Variants in DENND5B observed in about 807,000 individuals in gnomAD.
DENND5B encodes the protein DENN domain-containing protein 5B.
Under a neutral mutation model 140.6 loss-of-function variants are expected in DENND5B, and 34 were observed. The observed-to-expected ratio is 0.24, with a 90% CI of 0.18 to 0.32. The LOEUF (loss-of-function observed/expected upper bound fraction) is 0.32, where lower values mean the gene tolerates loss of function less well. Among genes scored for constraint, DENND5B ranks in the 10% least tolerant of loss-of-function variants. The pLI is 1.00. For synonymous variants in DENND5B, 551 were observed against 562.1 expected, an observed-to-expected ratio of 0.98 and a Z score of 0.28; for missense variants, 1,142 against 1,560.2, an observed-to-expected ratio of 0.73 and a Z score of 4.52.
chr12:31,561,898 T>TC (rs1256612338), intron 1 of DENND5B, among the ~76,000 whole-genome samples: 1 of 151,654 alleles, frequency 6.6e-6, no homozygotes, highest in Non-Finnish European at 1.5e-5. Context: ...ACTTTCTCCG[T>TC]AAGTTTAAGC....
intron 17 of DENND5B, among the ~76,000 whole-genome samples, chr12:31,394,593 TC>T (rs1340374124): frequency 1.3e-5 from 2 of 148,572 alleles, no homozygotes; most frequent in Admixed American, 1.4e-4. Flanking sequence ...ATTTCCATCA[TC>T]CCCAAAAGTT....
At chr12:31,566,459 T>G (rs1949634918) in intron 1 of DENND5B, among the ~76,000 whole-genome samples, 1 of 151,810 alleles carries the variant, frequency 6.6e-6, no homozygotes, top group Non-Finnish European at 1.5e-5. Context: ...TAAAATTAGG[T>G]GCATATTCTA....
chr12:31,485,879 T>C (rs1946286778), intron 2 of DENND5B, among the ~76,000 whole-genome samples: 2 of 152,160 alleles, frequency 1.3e-5, no homozygotes, highest in Non-Finnish European at 2.9e-5. Context: ...GAAGGAGCCC[T>C]AGCTATATGC....
intron 19 of DENND5B, among the ~76,000 whole-genome samples, chr12:31,391,828 T>A (rs1941160579): frequency 6.6e-6 from 1 of 152,044 alleles, no homozygotes; most frequent in African/African-American, 2.4e-5. Flanking sequence ...ACCCAGCTAA[T>A]TTAATATTTA....
intron 1 of DENND5B, among the ~76,000 whole-genome samples, chr12:31,573,247 G>T (rs1267654579): frequency 1.3e-5 from 2 of 152,090 alleles, no homozygotes; most frequent in African/African-American, 4.8e-5. Flanking sequence ...AGGCAAATTT[G>T]AATATTATGA....
Position 31,409,258 on chromosome 12 carries a change from C to T in DENND5B, c.2803+5G>A. The stretch of plus-strand genomic sequence containing the variant: ...AACCCTTAACGGTCAATTCTCTAGA[C>T]TTACTGATAGTGGTGAACACACTGG... On this transcript the variant is annotated splice_donor_5th_base_variant and intron_variant, in intron 14 of 20. Transcript: ENST00000389082. The T allele has an allele frequency of 6.4e-7, 1 of 1,567,270 alleles. No homozygotes were observed.
chr12:31,391,556 A>G (rs78351068), intron 19 of DENND5B, among the ~76,000 whole-genome samples: 1,726 of 152,334 alleles, frequency 0.011, 19 homozygotes, highest in East Asian at 0.031. Context: ...TTACTAATGT[A>G]TATCTTGAGC....
In DENND5B at chr12:31,499,155, A is replaced by C. The variant is rs536369028; in HGVS notation, c.128-3236T>G. On this transcript the variant is annotated intron_variant, in intron 1 of 20. Coordinates refer to ENST00000389082, the MANE Select transcript of DENND5B (RefSeq NM_144973.4). ...TAGAATTTACTGCTGGGAAAAAAAAACAGGAAAATAACCAAGTCTAAGAAT... is the reference window on the plus strand; with the variant it reads ...TAGAATTTACTGCTGGGAAAAAAAACCAGGAAAATAACCAAGTCTAAGAAT... 1.2e-3 allele frequency among the ~76,000 whole-genome samples: 176 copies of C among 152,240 alleles called. 1 individual carries two copies. The highest frequency in any genetic ancestry group is 4.1e-3 in the African/African-American group (172 of 41,544).
At chr12:31,531,687 C>T (rs1405298357) in intron 1 of DENND5B, among the ~76,000 whole-genome samples, 1 of 152,034 alleles carries the variant, frequency 6.6e-6, no homozygotes, top group Non-Finnish European at 1.5e-5. Context: ...TATAGTCAAC[C>T]CAGAATTACA....
At position 31,387,368 on chromosome 12, in the gene DENND5B, G is replaced by GTT; in HGVS notation, c.*234_*235insAA. Reference sequence around the variant, plus strand: ...TATTAGAGTAATATAATTTCTTAAAGAAGATAGCATATTTACACACATCTA... The same window carrying GTT: ...TATTAGAGTAATATAATTTCTTAAAGTTAAGATAGCATATTTACACACATCTA... On this transcript the variant is annotated 3_prime_UTR_variant, in exon 21 of 21. Transcript: ENST00000389082. 1 of 382,496 alleles carries GTT rather than the reference G, an allele frequency of 2.6e-6. No individual in the cohort carries two copies. The allele number at this position is 382,496 out of a possible 1,614,324, so 23.7% of individuals were successfully genotyped here.
chr12:31,424,835 T>C (rs764082463), intron 9 of DENND5B, 148 bp from the exon 10 acceptor site: 20 of 1,031,408 alleles, frequency 1.9e-5, no homozygotes, highest in Admixed American at 4.9e-5. Flanking sequence ...CTCTTAATCT[T>C]GATGTTCAAC....
chr12:31,560,532 C>T (rs575115831), intron 1 of DENND5B, among the ~76,000 whole-genome samples: 1 of 152,322 alleles, frequency 6.6e-6, no homozygotes, highest in South Asian at 2.1e-4. Context: ...TACCCTTGAA[C>T]CTCCCTGCAT....
At chr12:31,569,608 A>G (rs1949748334) in intron 1 of DENND5B, among the ~76,000 whole-genome samples, 1 of 152,088 alleles carries the variant, frequency 6.6e-6, no homozygotes, top group Non-Finnish European at 1.5e-5. Flanking sequence ...CAGGAGTTCA[A>G]GACCAGCCTG....
At chr12:31,504,085 G>C (rs532643304) in intron 1 of DENND5B, among the ~76,000 whole-genome samples, 11 of 152,196 alleles carry the variant, frequency 7.2e-5, no homozygotes, top group African/African-American at 2.6e-4. Context: ...AAATAATTCA[G>C]AGAATTTCCA....
At chr12:31,508,495 T>C (rs1480217841) in intron 1 of DENND5B, among the ~76,000 whole-genome samples, 1 of 152,216 alleles carries the variant, frequency 6.6e-6, no homozygotes, top group Non-Finnish European at 1.5e-5. Flanking sequence ...TAGACTATCC[T>C]GTTTCATGGT....
intron 1 of DENND5B, among the ~76,000 whole-genome samples, chr12:31,502,701 G>C (rs552729842): frequency 3.3e-5 from 5 of 152,168 alleles, no homozygotes; most frequent in Non-Finnish European, 5.9e-5. Flanking sequence ...TCCAAGGACA[G>C]CAACAAATAT....
chr12:31,435,388 A>G (rs1168917313), intron 7 of DENND5B, among the ~76,000 whole-genome samples: 2 of 152,122 alleles, frequency 1.3e-5, no homozygotes, highest in East Asian at 3.9e-4. Flanking sequence ...TTCCACTTGC[A>G]TCCTTGACCA....
chr12:31,497,333 T>G (rs66479670), intron 1 of DENND5B, among the ~76,000 whole-genome samples: 20,675 of 152,276 alleles, frequency 0.14, 1,657 homozygotes, highest in Non-Finnish European at 0.18. Context: ...AGGCAAACAT[T>G]TCATCTCTGT....
chr12:31,436,088 C>T (rs540589502), intron 7 of DENND5B, among the ~76,000 whole-genome samples: 51 of 151,878 alleles, frequency 3.4e-4, no homozygotes, highest in African/African-American at 1.2e-3. Context: ...TGTGTCTGTT[C>T]CCAGCTGCCT....
Sources: gnomAD v4.1 joint callset for allele counts (sites outside exome capture counted in the v4.1 genomes callset) on GRCh38, gnomAD v4.1.1 for gene constraint, MANE v1.5 for transcripts, NCBI Gene and HGNC (gene_info 2026-07-23, HGNC 2026-07-21) for gene names.